The following KCNH1 variants were observed in gnomAD, a reference collection of about 807,000 sequenced individuals.
KCNH1 encodes voltage-gated delayed rectifier potassium channel KCNH1.
KCNH1 carries 27 observed loss-of-function variants against 69.2 expected under a neutral mutation model. The observed-to-expected ratio is 0.39, with a 90% CI of 0.29 to 0.54. The LOEUF is 0.54. Among genes scored for constraint, KCNH1 ranks in the 20% least tolerant of loss-of-function variants. The pLI is 0.68. For missense variants in KCNH1, 798 were observed against 1,261.6 expected, an observed-to-expected ratio of 0.63 and a Z score of 5.57; for synonymous variants, 456 against 487.7, an observed-to-expected ratio of 0.93 and a Z score of 0.86.
At chr1:210,771,228 A>T (rs546043676) in intron 10 of KCNH1, among the ~76,000 whole-genome samples, 1 of 152,212 alleles carries the variant, frequency 6.6e-6, no homozygotes, top group Non-Finnish European at 1.5e-5. Context: ...CCTTCTTTTC[A>T]TGAATAGCCA....
chr1:211,113,748 G>A (rs557392594), intron 1 of KCNH1, among the ~76,000 whole-genome samples: 2 of 152,250 alleles, frequency 1.3e-5, no homozygotes. Flanking sequence ...AACTGCCCGT[G>A]GCTGCTGAAG....
At chr1:210,764,245 A>C (rs1011398838) in intron 10 of KCNH1, among the ~76,000 whole-genome samples, 47 of 152,194 alleles carry the variant, frequency 3.1e-4, no homozygotes, top group African/African-American at 1.1e-3. Context: ...CTTAAATGTA[A>C]TACCTCAAAC....
At chr1:211,041,132 T>C (rs923043562) in intron 5 of KCNH1, among the ~76,000 whole-genome samples, 1 of 152,224 alleles carries the variant, frequency 6.6e-6, no homozygotes, top group African/African-American at 2.4e-5. Context: ...CTAAACACAA[T>C]GTCTCCACTT....
At chr1:210,718,346 G>GTA (rs368763686) in intron 10 of KCNH1, among the ~76,000 whole-genome samples, 1 of 5,798 alleles carries the variant, frequency 1.7e-4, no homozygotes, top group Non-Finnish European at 4.7e-4. Flanking sequence ...ATGTATATAT[G>GTA]TATATATACA....
At chr1:210,835,913 T>C (rs1457562636) in intron 7 of KCNH1, among the ~76,000 whole-genome samples, 2 of 151,942 alleles carry the variant, frequency 1.3e-5, no homozygotes, top group Non-Finnish European at 2.9e-5. Flanking sequence ...GCAGATCACC[T>C]GAGATCAGGT....
chr1:210,743,053 T>C (rs1234610264), intron 10 of KCNH1, among the ~76,000 whole-genome samples: 1 of 152,162 alleles, frequency 6.6e-6, no homozygotes, highest in Non-Finnish European at 1.5e-5. Flanking sequence ...TTGTAAATGT[T>C]TCATGTAGTA....
chr1:211,122,239 C>T (rs1311202978), intron 1 of KCNH1, among the ~76,000 whole-genome samples: 9 of 152,132 alleles, frequency 5.9e-5, no homozygotes, highest in Non-Finnish European at 7.4e-5. Flanking sequence ...TCAACATCAC[C>T]GATCATCAGA....
intron 9 of KCNH1, among the ~76,000 whole-genome samples, chr1:210,778,016 G>A (rs1447511891): frequency 1.3e-5 from 2 of 152,232 alleles, no homozygotes; most frequent in South Asian, 2.1e-4. Flanking sequence ...AGAAGCACAA[G>A]CCACACAAGG....
intron 10 of KCNH1, among the ~76,000 whole-genome samples, chr1:210,724,825 C>A (rs1404395901): frequency 6.6e-6 from 1 of 152,166 alleles, no homozygotes; most frequent in Admixed American, 6.5e-5. Flanking sequence ...GTCCTGCTGC[C>A]AATTCCAATG....
At chr1:210,995,102 A>C (rs1333682472) in intron 6 of KCNH1, among the ~76,000 whole-genome samples, 1 of 152,220 alleles carries the variant, frequency 6.6e-6, no homozygotes, top group African/African-American at 2.4e-5. Context: ...CAAGCTAAGA[A>C]CTATATTCCT....
At chr1:210,827,689 C>A (rs1475732768) in intron 7 of KCNH1, among the ~76,000 whole-genome samples, 2 of 152,146 alleles carry the variant, frequency 1.3e-5, no homozygotes, top group Non-Finnish European at 2.9e-5. Flanking sequence ...TATGTTAATA[C>A]CACAAGGGGG....
At chr1:211,023,115 A>AAAAAT (rs1553371867) in intron 5 of KCNH1, among the ~76,000 whole-genome samples, 1 of 98,478 alleles carries the variant, frequency 1.0e-5, no homozygotes, top group Non-Finnish European at 2.3e-5. Flanking sequence ...TGTCTCAGAA[A>AAAAAT]AAATAAATAA....
intron 7 of KCNH1, among the ~76,000 whole-genome samples, chr1:210,913,887 G>A (rs1467349096): frequency 6.6e-6 from 1 of 152,160 alleles, no homozygotes; most frequent in Non-Finnish European, 1.5e-5. Context: ...CAGCCAATGT[G>A]ATGTGAACAA....
At chr1:210,690,199 C>T (rs984617959) in intron 10 of KCNH1, among the ~76,000 whole-genome samples, 1 of 152,168 alleles carries the variant, frequency 6.6e-6, no homozygotes, top group Non-Finnish European at 1.5e-5. Context: ...TTTCTTAGAT[C>T]TGACAAAAAG....
chr1:210,948,560 T>G (rs1688003757), intron 6 of KCNH1, among the ~76,000 whole-genome samples: 1 of 152,174 alleles, frequency 6.6e-6, no homozygotes, highest in East Asian at 1.9e-4. Context: ...TGGGGCACAG[T>G]GGCTCACACC....
chr1:210,936,397 G>C (rs1023917673), intron 6 of KCNH1, among the ~76,000 whole-genome samples: 3 of 152,128 alleles, frequency 2.0e-5, no homozygotes, highest in African/African-American at 7.2e-5. Context: ...CCAGCACCCT[G>C]CTTTTTCCCT....
At chr1:211,040,451 G>A (rs1689974693) in intron 5 of KCNH1, among the ~76,000 whole-genome samples, 1 of 152,080 alleles carries the variant, frequency 6.6e-6, no homozygotes, top group Admixed American at 6.6e-5. Flanking sequence ...GTTTATTAGG[G>A]GTTTCCACTT....
chr1:210,760,300 C>A (rs1457733492), intron 10 of KCNH1, among the ~76,000 whole-genome samples: 1 of 151,960 alleles, frequency 6.6e-6, no homozygotes, highest in South Asian at 2.1e-4. Context: ...ATAATATGAC[C>A]CTTTCATAGT....
chr1:210,861,182 T>C, intron 7 of KCNH1: 1 of 961,374 alleles, frequency 1.0e-6, no homozygotes, highest in Non-Finnish European at 1.7e-6. Context: ...TTCCCAAAGT[T>C]CCTCATCAGC....
Sources: allele counts gnomAD v4.1 joint callset (sites outside exome capture counted in the v4.1 genomes callset), GRCh38; gene constraint gnomAD v4.1.1; transcripts MANE v1.5; gene names NCBI Gene and HGNC (gene_info 2026-07-23, HGNC 2026-07-21).